The following HTR3B variants were observed in gnomAD, a reference collection of about 807,000 sequenced individuals.
HTR3B encodes the protein 5-hydroxytryptamine receptor 3B, also known as 5-hydroxytryptamine (serotonin) receptor 3B, ionotropic.
In HTR3B, 44 loss-of-function variants were observed where a neutral mutation model predicts 42.8. That is an observed-to-expected ratio of 1.03 (90% CI 0.81 to 1.32). The LOEUF is 1.32. Among genes scored for constraint, HTR3B ranks in the 40% most tolerant of loss-of-function variants. The probability of loss-of-function intolerance (pLI) is 0.00; values close to 1 mark genes in which losing one functional copy is unlikely to be tolerated. For synonymous variants in HTR3B, 203 were observed against 209.0 expected, an observed-to-expected ratio of 0.97 and a Z score of 0.25; for missense variants, 527 against 536.5, an observed-to-expected ratio of 0.98 and a Z score of 0.17.
chr11:113,901,340 C>T (rs1949696640), upstream of HTR3B, among the ~76,000 whole-genome samples: 1 of 151,334 alleles, frequency 6.6e-6, no homozygotes, highest in South Asian at 2.1e-4. Context: ...CTATGGGAGG[C>T]TGGGATGGGA....
At chr11:113,944,022 CTTT>C (rs368033697) in intron 7 of HTR3B, among the ~76,000 whole-genome samples, 12 of 133,966 alleles carry the variant, frequency 9.0e-5, no homozygotes, top group Admixed American at 2.3e-4. Flanking sequence ...GTCTCTCTCT[CTTT>C]TTTTTTTTTT....
At chr11:113,903,518 C>T (rs1389768206), upstream of HTR3B, among the ~76,000 whole-genome samples, 1 of 150,518 alleles carries the variant, frequency 6.6e-6, no homozygotes, top group Admixed American at 6.6e-5. Flanking sequence ...CAACCTCCAC[C>T]TCCTGATTCA....
chr11:113,939,701 C>T (rs564386901), intron 6 of HTR3B, among the ~76,000 whole-genome samples: 6 of 152,238 alleles, frequency 3.9e-5, no homozygotes, highest in African/African-American at 9.6e-5. Flanking sequence ...TACATAGGGA[C>T]GTGCTGTAGA....
In HTR3B at chr11:113,909,296, A is replaced by G; in HGVS notation, c.54A>G (p.Gly18=). 6.2e-7 allele frequency: 1 copy of G among 1,611,562 alleles called. No homozygotes were observed. Among genetic ancestry groups the G allele is most frequent in the Non-Finnish European group, 8.5e-7 (1 of 1,177,756 alleles). The change falls in exon 2 of 9, where the codon GGA becomes GGG. Residue 18 remains glycine (G), a splice_region_variant and synonymous_variant. Transcript: ENST00000260191. ...PLWACILVAA[G]ILATDTHHPQ... ...TCACAATGATAGTTTATTTTCCAGG[A>G]ATTCTAGCCACAGATACACATCATC...
intron 7 of HTR3B, 84 bp downstream of exon 7, chr11:113,943,276 C>T: frequency 8.5e-7 from 1 of 1,175,116 alleles, no homozygotes. Flanking sequence ...GTGGCTCATG[C>T]CCGTAATATC....
In HTR3B at chr11:113,943,176, G is replaced by A; in HGVS notation, c.891G>A (p.Gly297=). 6.2e-7 allele frequency: 1 copy of A among 1,613,598 alleles called. No homozygotes were observed. The highest frequency in any genetic ancestry group is 8.5e-7 in the Non-Finnish European group (1 of 1,179,778). Residue 297 remains glycine, a synonymous_variant, in exon 7 of 9, where the codon GGG becomes GGA. Transcript: ENST00000260191. ...CCAACCAGGTGCCACGGAGTGTAGG[G>A]AGCACCCCTCTGATTGGTAAGCAGC... ...NMSNQVPRSV[G]STPLIGHFFT...
At chr11:113,924,155 T>C (rs1183638156) in intron 2 of HTR3B, among the ~76,000 whole-genome samples, 1 of 152,246 alleles carries the variant, frequency 6.6e-6, no homozygotes, top group African/African-American at 2.4e-5. Context: ...GTATTTCTTG[T>C]GAAAGCATAG....
At chr11:113,932,237 G>T in intron 4 of HTR3B, 52 bp from the exon 5 acceptor site, 1 of 1,480,632 alleles carries the variant, frequency 6.8e-7, no homozygotes, top group South Asian at 1.2e-5. Flanking sequence ...CCTATGTTTT[G>T]AAATGACCAA....
At chr11:113,902,392 G>T (rs1021329376), upstream of HTR3B, among the ~76,000 whole-genome samples, 2 of 151,986 alleles carry the variant, frequency 1.3e-5, no homozygotes, top group Non-Finnish European at 2.9e-5. Context: ...TGCCTTCTGG[G>T]TTCACAAGAT....
At chr11:113,902,664 T>C (rs1395083571), upstream of HTR3B, among the ~76,000 whole-genome samples, 5 of 152,202 alleles carry the variant, frequency 3.3e-5, no homozygotes, top group South Asian at 2.1e-4. Flanking sequence ...ATAATCTCTA[T>C]ACAATTAAAA....
intron 6 of HTR3B, among the ~76,000 whole-genome samples, chr11:113,941,618 C>G (rs1950135561): frequency 1.3e-5 from 2 of 152,054 alleles, no homozygotes; most frequent in African/African-American, 4.8e-5. Context: ...TGAGCTGTGG[C>G]TTGCAAAGAT....
chr11:113,939,650 C>T (rs1049044029), intron 6 of HTR3B, among the ~76,000 whole-genome samples: 5 of 152,200 alleles, frequency 3.3e-5, no homozygotes, highest in Admixed American at 2.0e-4. Context: ...GCTGTCGTGT[C>T]AGCCTCTGGG....
At position 113,948,726 on chromosome 11, in the gene HTR3B, G is replaced by A. The variant is rs1950197678; in HGVS notation, c.*2589G>A. ...TAAAAATACAAAATTAGCCAGGCGT[G>A]GTGGCACATGCCTGTAATCCCACCT... On this transcript the variant is annotated 3_prime_UTR_variant, in exon 9 of 9. Coordinates refer to ENST00000260191, the MANE Select transcript of HTR3B (RefSeq NM_006028.5). Among the ~76,000 whole-genome samples the A allele has an allele frequency of 6.6e-6, 1 of 152,162 alleles. No individual in the cohort carries two copies. Among genetic ancestry groups the A allele is most frequent in the South Asian group, 2.1e-4 (1 of 4,834 alleles).
intron 2 of HTR3B, among the ~76,000 whole-genome samples, chr11:113,918,322 G>A (rs1949877285): frequency 6.6e-6 from 1 of 151,298 alleles, no homozygotes; most frequent in Non-Finnish European, 1.5e-5. Context: ...TATTACATGT[G>A]TAGCTTTTTG....
intron 2 of HTR3B, among the ~76,000 whole-genome samples, chr11:113,921,093 A>G (rs1949907219): frequency 1.3e-5 from 2 of 151,542 alleles, no homozygotes; most frequent in Non-Finnish European, 2.9e-5. Context: ...GATTACAGGC[A>G]TAAGCCATCC....
chr11:113,927,764 G>A (rs1032628064), intron 2 of HTR3B, among the ~76,000 whole-genome samples: 1 of 151,930 alleles, frequency 6.6e-6, no homozygotes, highest in East Asian at 1.9e-4. Context: ...GGTTTCATGG[G>A]CCAGGCTGGT....
chr11:113,905,814 G>A (rs1219116571), intron 1 of HTR3B, among the ~76,000 whole-genome samples: 1 of 152,196 alleles, frequency 6.6e-6, no homozygotes, highest in African/African-American at 2.4e-5. Flanking sequence ...CAATTATAGA[G>A]ATGAGTTAGA....
At chr11:113,913,773 C>T (rs1949823292) in intron 2 of HTR3B, among the ~76,000 whole-genome samples, 1 of 152,130 alleles carries the variant, frequency 6.6e-6, no homozygotes, top group South Asian at 2.1e-4. Flanking sequence ...CCTCGGTCTG[C>T]CAAAGTGCTG....
chr11:113,911,911 A>G (rs1457819306), intron 2 of HTR3B, among the ~76,000 whole-genome samples: 1 of 152,056 alleles, frequency 6.6e-6, no homozygotes, highest in Non-Finnish European at 1.5e-5. Flanking sequence ...CATCCTCTTC[A>G]CCCACAGAGA....
Sources: allele counts gnomAD v4.1 joint callset (sites outside exome capture counted in the v4.1 genomes callset), GRCh38; gene constraint gnomAD v4.1.1; transcripts MANE v1.5; gene names NCBI Gene and HGNC (gene_info 2026-07-23, HGNC 2026-07-21).